Variants in DUOX1 observed in about 807,000 individuals in gnomAD.
DUOX1 encodes NADPH thyroid oxidase 1.
A neutral mutation model predicts 181.8 loss-of-function variants in DUOX1; 134 were observed. The ratio of observed to expected loss-of-function variants is 0.74; its 90% CI spans 0.64 to 0.85. The LOEUF is 0.85. DUOX1 is among the 40% of genes least tolerant of loss of function. The probability of loss-of-function intolerance (pLI) is 0.00; values close to 1 mark genes in which losing one functional copy is unlikely to be tolerated. For synonymous variants in DUOX1, 798 were observed against 832.5 expected (o/e 0.96, Z 0.71); for missense variants, 1,814 against 2,064.4 (o/e 0.88, Z 2.35).
intron 29 of DUOX1, among the ~76,000 whole-genome samples, chr15:45,161,229 T>A (rs1025800081): frequency 2.7e-5 from 4 of 150,816 alleles, no homozygotes; most frequent in Admixed American, 1.3e-4. Flanking sequence ...CTGGCCAACA[T>A]GGTGAAACCC....
Position 45,144,109 on chromosome 15 carries a change from G to C in DUOX1, c.2010G>C (p.Val670=). 6.2e-7 allele frequency: 1 copy of C among 1,614,042 alleles called. No individual in the cohort carries two copies. The highest frequency in any genetic ancestry group is 8.5e-7 in the Non-Finnish European group (1 of 1,180,052). Residue 670 remains valine (V), a synonymous_variant, in exon 17 of 34, where the codon GTG becomes GTC. Coordinates refer to ENST00000389037, the MANE Select transcript of DUOX1 (RefSeq NM_175940.3). The part of the protein sequence containing the change: ...LVYLQPGQIR[V]VDGRLTVLRT... The stretch of plus-strand genomic sequence containing the variant: ...ACCTGCAGCCCGGGCAGATCCGTGT[G>C]GTAGATGGCAGGCTCACCGTGCTCC...
Position 45,133,903 on chromosome 15 carries a change from A to G in DUOX1, c.98A>G (p.Asp33Gly). 1 of 1,613,884 alleles carries G rather than the reference A, an allele frequency of 6.2e-7. No homozygotes were observed. ...NPISWEVQRF[D>G]GWYNNLMEHR... ...ATTTCGTGGGAGGTGCAGCGATTTG[A>G]TGGGTGGTACAACAACCTCATGGAG... Residue 33 changes from aspartate (D) to glycine (G), a missense_variant, in exon 3 of 34, where the codon GAT becomes GGT. This residue lies in a region of DUOX1 where 320 missense variants were observed against 313.1 expected (regional missense o/e 1.02). Transcript: ENST00000389037.
Position 45,142,072 on chromosome 15 carries a change from C to T in DUOX1, c.1782C>T (p.Gly594=). 1 of 1,614,080 alleles carries T rather than the reference C, an allele frequency of 6.2e-7. No individual in the cohort carries two copies. The highest frequency in any genetic ancestry group is 1.1e-5 in the South Asian group (1 of 91,074). Residue 594 remains glycine, a synonymous_variant, in exon 15 of 34, where the codon GGC becomes GGT. Coordinates refer to ENST00000389037, the MANE Select transcript of DUOX1 (RefSeq NM_175940.3). ...ACTATTTTGAGGGCAGTGGATTTGG[C>T]TTCGGGGTCACCATCGGGACCCTCT... ...VRDYFEGSGF[G]FGVTIGTLCC...
rs138097577 is a variant in DUOX1 at position 45,137,993 on chromosome 15, C to G, written c.1092C>G (p.Cys364Trp). ...GTGTCTCCAGAGCTCTCCGGGTCTG[C>G]AACAGCTACTGGAGCCGTGAGGTCC... is the stretch of plus-strand genomic sequence containing the variant. ...NSSVSRALRVCNSYWSREHPS... is the reference protein window; with the variant it reads ...NSSVSRALRVWNSYWSREHPS... Residue 364 changes from cysteine (C) to tryptophan (W), a missense_variant, in exon 10 of 34, where the codon TGC (cysteine) becomes TGG (tryptophan). Around this residue, in one of 5 missense-constraint regions of DUOX1, gnomAD observed 1,064 missense variants for 1,152.9 expected, o/e 0.92. Transcript: ENST00000389037. 25 of 1,609,904 alleles carry G rather than the reference C, an allele frequency of 1.6e-5. No homozygotes were observed. The highest frequency in any genetic ancestry group is 2.1e-5 in the Non-Finnish European group (25 of 1,177,750).
rs144336578 is a variant in DUOX1, at chr15:45,151,145, C to G, written c.2911C>G (p.Arg971Gly). The G allele has an allele frequency of 1.2e-6, 2 of 1,614,034 alleles. No individual in the cohort carries two copies. Among genetic ancestry groups the G allele is most frequent in the African/African-American group, 2.7e-5 (2 of 74,902 alleles). ...TAGTCCCTCTCCCAGAGTGAGTGCC[C>G]GCTGTTCCCGCAGCGACATTGAGAC... The part of the protein sequence containing the change: ...MICPSPRVSA[R>G]CSRSDIETEL... The change falls in exon 23 of 34, where the codon CGC becomes GGC. Residue 971 changes from arginine (R) to glycine (G), a missense_variant. By Grantham distance (125) the Arg-to-Gly change is moderately radical. Around this residue, in one of 5 missense-constraint regions of DUOX1, gnomAD observed 1,064 missense variants for 1,152.9 expected, o/e 0.92. Transcript: ENST00000389037.
intron 27 of DUOX1, 38 bp downstream of exon 27, chr15:45,154,038 A>G: frequency 6.2e-7 from 1 of 1,602,080 alleles, no homozygotes; most frequent in Non-Finnish European, 8.6e-7. Flanking sequence ...TCTGGACCTG[A>G]CTGTGAGTTC....
Position 45,136,548 on chromosome 15 carries a change from C to T in DUOX1, c.945C>T (p.Asp315=). Residue 315 remains aspartate (D), a synonymous_variant, in exon 9 of 34, where the codon GAC becomes GAT. Coordinates refer to ENST00000389037, the MANE Select transcript of DUOX1 (RefSeq NM_175940.3). ...CCCCAGGATACCGGCCATTTCTGGA[C>T]CCCAGCATCTCCTCAGAGTTCGTGG... The part of the protein sequence containing the change: ...PEYTGYRPFL[D]PSISSEFVAA... The T allele has an allele frequency of 6.2e-7, 1 of 1,614,156 alleles. No homozygotes were observed. The highest frequency in any genetic ancestry group is 8.5e-7 in the Non-Finnish European group (1 of 1,180,032).
chr15:45,148,029 C>T (rs1224040467), intron 20 of DUOX1, 32 bp downstream of exon 20: 13 of 1,582,338 alleles, frequency 8.2e-6, no homozygotes, highest in African/African-American at 1.3e-5. Context: ...GGAGAATGGG[C>T]CAGGGCAGGG....
intron 10 of DUOX1, 26 bp downstream of exon 10, chr15:45,138,040 G>A: frequency 6.4e-7 from 1 of 1,554,480 alleles, no homozygotes; most frequent in South Asian, 1.2e-5. Context: ...CACATATGTG[G>A]TGGATGTGTG....
At chr15:45,156,929 G>A (rs1411862648) in intron 28 of DUOX1, among the ~76,000 whole-genome samples, 2 of 152,114 alleles carry the variant, frequency 1.3e-5, no homozygotes, top group African/African-American at 4.8e-5. Flanking sequence ...CCTTCCTCAT[G>A]AGCAGAGGCA....
At chr15:45,160,391 G>A (rs1480517113) in intron 28 of DUOX1, among the ~76,000 whole-genome samples, 1 of 152,178 alleles carries the variant, frequency 6.6e-6, no homozygotes, top group African/African-American at 2.4e-5. Context: ...AGGGGAGAAC[G>A]GCTGGCAGGC....
At chr15:45,132,283 G>A (rs1029214128) in intron 2 of DUOX1, among the ~76,000 whole-genome samples, 6 of 152,154 alleles carry the variant, frequency 3.9e-5, no homozygotes, top group Admixed American at 1.3e-4. Flanking sequence ...TACAGTTTGG[G>A]GGCCCTTTCT....
chr15:45,152,311 G>A lies in DUOX1; in HGVS notation c.3219G>A (p.Thr1073=). The change falls in exon 25 of 34, where the codon ACG becomes ACA. Residue 1073 remains threonine (T), a synonymous_variant. Coordinates refer to ENST00000389037, the MANE Select transcript of DUOX1 (RefSeq NM_175940.3). ...ACTACGCCTTTGCCGCACATCACAC[G>A]GGCATCACAGACACCACCCGCGTGG... ...AYYYAFAAHH[T]GITDTTRVGI... 1 of 1,614,000 alleles carries A rather than the reference G, an allele frequency of 6.2e-7. No homozygotes were observed. The highest frequency in any genetic ancestry group is 8.5e-7 in the Non-Finnish European group (1 of 1,179,954).
At chr15:45,140,372 GC>G (rs1181390100) in intron 12 of DUOX1, 1 of 225,576 alleles carries the variant, frequency 4.4e-6, no homozygotes, top group East Asian at 1.0e-4. Context: ...CAAATCTTTA[GC>G]TTCAAATGGG....
chr15:45,148,315 C>A lies in DUOX1; in HGVS notation c.2686C>A (p.Leu896Met). ...ISNNCLSKAQ[L>M]AEVVESMFRE... is the part of the protein sequence containing the mutation. ...CAACAACTGCCTGTCCAAGGCCCAGCTGGCTGAGGTGGTGGAGTCCATGTT... is the reference window on the plus strand; with the variant it reads ...CAACAACTGCCTGTCCAAGGCCCAGATGGCTGAGGTGGTGGAGTCCATGTT... The change falls in exon 21 of 34, where the codon CTG (leucine) becomes ATG (methionine). Residue 896 changes from leucine to methionine, a missense_variant. Leu to Met is a conservative substitution (Grantham distance 15). Coordinates refer to ENST00000389037, the MANE Select transcript of DUOX1 (RefSeq NM_175940.3). The A allele has an allele frequency of 6.2e-7, 1 of 1,614,238 alleles. No homozygotes were observed. Among genetic ancestry groups the A allele is most frequent in the Non-Finnish European group, 8.5e-7 (1 of 1,180,048 alleles).
chr15:45,150,067 C>G (rs930733207), intron 21 of DUOX1, among the ~76,000 whole-genome samples: 1 of 152,228 alleles, frequency 6.6e-6, no homozygotes, highest in Admixed American at 6.5e-5. Context: ...CCCAGAGATT[C>G]CCAGGACTCC....
At chr15:45,156,618 A>G (rs1896975901) in intron 28 of DUOX1, among the ~76,000 whole-genome samples, 1 of 152,116 alleles carries the variant, frequency 6.6e-6, no homozygotes, top group Non-Finnish European at 1.5e-5. Flanking sequence ...TCTTTAGTAG[A>G]GACAGGGTTT....
chr15:45,152,706 C>T (rs961055746), intron 25 of DUOX1, 190 bp downstream of exon 25: 4 of 628,414 alleles, frequency 6.4e-6, no homozygotes, highest in Non-Finnish European at 8.4e-6. Flanking sequence ...TGCCTCTTCC[C>T]GCACTTTCCA....
chr15:45,131,826 C>A, intron 1 of DUOX1, 92 bp from the exon 2 acceptor site: 2 of 895,540 alleles, frequency 2.2e-6, no homozygotes, highest in African/African-American at 1.7e-5. Flanking sequence ...GACCTTGGCC[C>A]AGCCCCAGGC....
Sources: allele counts gnomAD v4.1 joint callset (sites outside exome capture counted in the v4.1 genomes callset), GRCh38; gene constraint gnomAD v4.1.1; regional missense constraint gnomAD v4.1.1; transcripts MANE v1.5; gene names NCBI Gene and HGNC (gene_info 2026-07-23, HGNC 2026-07-21).